UNC5C: variants seen among roughly 807,000 people sequenced by gnomAD.
UNC5C encodes the protein netrin receptor UNC5C.
UNC5C carries 47 observed loss-of-function variants against 99.8 expected under a neutral mutation model. The observed-to-expected ratio is 0.47, with a 90% CI of 0.37 to 0.60. UNC5C has a LOEUF of 0.60. Ranked by LOEUF, UNC5C falls within the 20% of genes least tolerant of loss-of-function variation. The probability of loss-of-function intolerance (pLI) is 0.00; values close to 1 mark genes in which losing one functional copy is unlikely to be tolerated. For synonymous variants in UNC5C, 487 were observed against 452.2 expected, an observed-to-expected ratio of 1.08 and a Z score of -0.98; for missense variants, 1,062 against 1,165.9, an observed-to-expected ratio of 0.91 and a Z score of 1.30.
At chr4:95,309,346 G>A (rs575383085) in intron 2 of UNC5C, among the ~76,000 whole-genome samples, 6 of 151,750 alleles carry the variant, frequency 4.0e-5, no homozygotes, top group East Asian at 1.9e-4. Context: ...AAAACATAGA[G>A]GAAAAGCTCC....
intron 2 of UNC5C, among the ~76,000 whole-genome samples, chr4:95,332,030 TTC>T (rs1743132961): frequency 2.0e-5 from 3 of 152,064 alleles, no homozygotes; most frequent in Non-Finnish European, 4.4e-5. Context: ...GAAGGACCTC[TTC>T]AAGGAGAACT....
At position 95,530,127 on chromosome 4, in the gene UNC5C, C is replaced by G. The variant is rs115064063; in HGVS notation, c.124+18607G>C. On this transcript the variant is annotated intron_variant, in intron 1 of 15. Coordinates refer to ENST00000453304, the MANE Select transcript of UNC5C (RefSeq NM_003728.4). ...CCTTTACATTTTTGAGGGTTGGTCT[C>G]TCCTGGTAAATTTCCAGAATAAATT... is the stretch of plus-strand genomic sequence containing the variant. 8.0e-3 allele frequency among the ~76,000 whole-genome samples: 1,211 copies of G among 152,210 alleles called. 18 individuals carry two copies. The highest frequency in any genetic ancestry group is 0.027 in the African/African-American group (1,131 of 41,538).
chr4:95,403,886 TC>T (rs1745765193), intron 1 of UNC5C, among the ~76,000 whole-genome samples: 1 of 152,216 alleles, frequency 6.6e-6, no homozygotes, highest in South Asian at 2.1e-4. Context: ...CACAGATGGA[TC>T]GTTTTCCAGC....
intron 7 of UNC5C, among the ~76,000 whole-genome samples, chr4:95,229,797 C>CTTTTTTTTTT (rs71583694): frequency 1.1e-4 from 9 of 79,534 alleles, no homozygotes; most frequent in Non-Finnish European, 1.4e-4. Context: ...CTGTTGTTTC[C>CTTTTTTTTTT]TTTTTTTTTT....
At chr4:95,208,556 C>T (rs778079346) in intron 10 of UNC5C, among the ~76,000 whole-genome samples, 1 of 152,080 alleles carries the variant, frequency 6.6e-6, no homozygotes, top group African/African-American at 2.4e-5. Context: ...GTCTTTTCTC[C>T]TCCCTAAATC....
At chr4:95,401,580 A>G (rs1745699121) in intron 1 of UNC5C, among the ~76,000 whole-genome samples, 1 of 152,178 alleles carries the variant, frequency 6.6e-6, no homozygotes, top group Non-Finnish European at 1.5e-5. Flanking sequence ...GCTGGCATTA[A>G]AGGAGTGAGC....
chr4:95,241,075 G>A (rs1291337998), intron 7 of UNC5C, among the ~76,000 whole-genome samples: 2 of 151,576 alleles, frequency 1.3e-5, no homozygotes, highest in African/African-American at 4.8e-5. Flanking sequence ...TTGTTCTAGA[G>A]TAAAGGAAAA....
At chr4:95,292,777 A>C (rs6831808) in intron 3 of UNC5C, among the ~76,000 whole-genome samples, 1 of 152,016 alleles carries the variant, frequency 6.6e-6, no homozygotes, top group South Asian at 2.1e-4. Context: ...TAGTATCTTC[A>C]CTTTTCCCCA....
chr4:95,386,740 C>T (rs1745221574), intron 1 of UNC5C, among the ~76,000 whole-genome samples: 1 of 152,172 alleles, frequency 6.6e-6, no homozygotes, highest in Admixed American at 6.5e-5. Context: ...ATATGTTCAC[C>T]TTTGCTGGGA....
intron 5 of UNC5C, chr4:95,248,348 C>A: frequency 3.3e-6 from 1 of 302,062 alleles, no homozygotes; most frequent in Non-Finnish European, 6.5e-6. Context: ...TAGTTGAATG[C>A]TTATATATTG....
At chr4:95,396,636 G>A (rs948341385) in intron 1 of UNC5C, among the ~76,000 whole-genome samples, 5 of 152,004 alleles carry the variant, frequency 3.3e-5, no homozygotes, top group African/African-American at 1.2e-4. Flanking sequence ...ACCCTCTCTC[G>A]ACTGGTTCCT....
At chr4:95,368,955 C>A (rs1744661912) in intron 1 of UNC5C, among the ~76,000 whole-genome samples, 1 of 151,664 alleles carries the variant, frequency 6.6e-6, no homozygotes, top group South Asian at 2.1e-4. Context: ...TCTTGCTCTG[C>A]CACCCAGGCT....
intron 1 of UNC5C, among the ~76,000 whole-genome samples, chr4:95,428,074 TG>T (rs1746533225): frequency 6.6e-6 from 1 of 151,786 alleles, no homozygotes; most frequent in African/African-American, 2.4e-5. Context: ...CTTAGGGTTT[TG>T]TTTTTTTTTT....
chr4:95,380,013 C>T (rs7654773), intron 1 of UNC5C, among the ~76,000 whole-genome samples: 36,274 of 152,024 alleles, frequency 0.24, 4,940 homozygotes, highest in East Asian at 0.58. Context: ...GATTACTTTG[C>T]TCCTACTCCA....
At chr4:95,403,614 C>T (rs1213323312) in intron 1 of UNC5C, among the ~76,000 whole-genome samples, 1 of 152,176 alleles carries the variant, frequency 6.6e-6, no homozygotes, top group Non-Finnish European at 1.5e-5. Flanking sequence ...TAGATGTTTT[C>T]CATATTCGTA....
intron 1 of UNC5C, among the ~76,000 whole-genome samples, chr4:95,528,549 G>T (rs755809185): frequency 6.6e-4 from 101 of 152,310 alleles, no homozygotes; most frequent in South Asian, 1.2e-3. Flanking sequence ...TGCACAACTT[G>T]ACAAACTCAA....
intron 1 of UNC5C, among the ~76,000 whole-genome samples, chr4:95,496,656 T>G (rs751271410): frequency 6.6e-6 from 1 of 151,800 alleles, no homozygotes; most frequent in Non-Finnish European, 1.5e-5. Context: ...AGGACAAATA[T>G]AACAAGAAAT....
At chr4:95,371,069 T>A (rs1744733838) in intron 1 of UNC5C, among the ~76,000 whole-genome samples, 1 of 152,218 alleles carries the variant, frequency 6.6e-6, no homozygotes, top group Non-Finnish European at 1.5e-5. Flanking sequence ...TGCCAATTAC[T>A]TAGAAATTAG....
chr4:95,408,899 A>T (rs567474701), intron 1 of UNC5C, among the ~76,000 whole-genome samples: 14 of 152,266 alleles, frequency 9.2e-5, no homozygotes, highest in African/African-American at 3.1e-4. Flanking sequence ...ACCCCCTTTC[A>T]CTTGGGAGCC....
Sources: allele counts gnomAD v4.1 joint callset (sites outside exome capture counted in the v4.1 genomes callset), GRCh38; gene constraint gnomAD v4.1.1; transcripts MANE v1.5; gene names NCBI Gene and HGNC (gene_info 2026-07-23, HGNC 2026-07-21).